DNAH1: variants seen among roughly 807,000 people sequenced by gnomAD.
The protein encoded by DNAH1 is axonemal beta dynein heavy chain 1.
A neutral mutation model predicts 484.3 loss-of-function variants in DNAH1; 327 were observed. The ratio of observed to expected loss-of-function variants is 0.68; its 90% confidence interval spans 0.62 to 0.74. DNAH1 has a LOEUF of 0.74. Ranked by LOEUF, DNAH1 falls within the 30% of genes least tolerant of loss-of-function variation. The pLI is 0.00. For synonymous variants in DNAH1, 2,192 were observed against 2,191.9 expected, an observed-to-expected ratio of 1.00 and a Z score of 0.00; for missense variants, 5,052 against 5,546.8, an observed-to-expected ratio of 0.91 and a Z score of 2.83.
At chr3:52,386,548 C>A in intron 55 of DNAH1, 114 bp from the exon 56 acceptor site, 1 of 1,311,402 alleles carries the variant, frequency 7.6e-7, no homozygotes, top group African/African-American at 1.5e-5. Context: ...CTGGATATGC[C>A]CGTGTCCTGT....
chr3:52,388,122 C>A, intron 56 of DNAH1, 45 bp from the exon 57 acceptor site: 1 of 1,579,382 alleles, frequency 6.3e-7, no homozygotes, highest in South Asian at 1.2e-5. Context: ...CTTCCCCTGT[C>A]ACCCTTGAGA....
rs1342065651 is a variant in DNAH1 at position 52,380,145 on chromosome 3, C to T, written c.7608+10C>T. 1 of 1,574,448 alleles carries T rather than the reference C, an allele frequency of 6.4e-7. No individual in the cohort carries two copies. The highest frequency in any genetic ancestry group is 1.4e-5 in the African/African-American group (1 of 73,936). On this transcript the variant is annotated intron_variant, in intron 48 of 77. Coordinates refer to ENST00000420323, the MANE Select transcript of DNAH1 (RefSeq NM_015512.5). ...CACCAGTGAGAGTAAGGTGAGGGGC[C>T]CAGGCAGGCGCCCTGCCCCTGGTGG...
Position 52,398,936 on chromosome 3 carries a change from T to C in DNAH1, c.12176T>C (p.Leu4059Pro). ...LKGLVVMSSQLELMAASLYNN... is the reference protein window; with the variant it reads ...LKGLVVMSSQPELMAASLYNN... ...GGGCTGGTAGTGATGTCCTCTCAGC[T>C]GGAGCTGATGGCTGCCAGCCTGTAC... Residue 4059 changes from leucine to proline, a missense_variant, in exon 76 of 78, where the codon CTG becomes CCG. Around this residue, in one of 4 missense-constraint regions of DNAH1, gnomAD observed 853 missense variants for 899.0 expected, o/e 0.95. Coordinates refer to ENST00000420323, the MANE Select transcript of DNAH1 (RefSeq NM_015512.5). The C allele has an allele frequency of 1.2e-6, 2 of 1,613,422 alleles. No homozygotes were observed. Among genetic ancestry groups the C allele is most frequent in the Non-Finnish European group, 1.7e-6 (2 of 1,179,478 alleles).
Position 52,385,457 on chromosome 3 carries a change from CT to C in DNAH1, c.8625+11del. The C allele has an allele frequency of 6.5e-7, 1 of 1,550,216 alleles. No homozygotes were observed. The highest frequency in any genetic ancestry group is 8.7e-7 in the Non-Finnish European group (1 of 1,145,912). ...CATGGAGCAGATCAAGGTTGGGGTG[CT>C]CCCGAGCCCCTCCCCAATGCCTGAC... On this transcript the variant is annotated intron_variant, in intron 54 of 77. Coordinates refer to ENST00000420323, the MANE Select transcript of DNAH1 (RefSeq NM_015512.5).
chr3:52,379,855 G>A lies in DNAH1; in HGVS notation c.7378-50G>A. 6.7e-7 allele frequency: 1 copy of A among 1,502,148 alleles called. No individual in the cohort carries two copies. The allele number at this position is 1,502,148 out of a possible 1,614,324, so 93.1% of individuals were successfully genotyped here. A position where few individuals can be genotyped will look rare whatever the true frequency, so the allele number is the denominator to read the frequency against. Reference sequence around the variant, plus strand: ...CCCTTGCCTGGTGGTTTGAGAGATAGCTGAGGGCTTGGGGGCCAAGGACAG... The same window carrying A: ...CCCTTGCCTGGTGGTTTGAGAGATAACTGAGGGCTTGGGGGCCAAGGACAG... On this transcript the variant is annotated intron_variant, in intron 47 of 77. Coordinates refer to ENST00000420323, the MANE Select transcript of DNAH1 (RefSeq NM_015512.5). This position sits in a 1 kb window ranked among gnomAD's most constrained non-coding sequence, Gnocchi z 4.4.
At chr3:52,348,051 C>G in intron 12 of DNAH1, 77 bp downstream of exon 12, 1 of 1,457,832 alleles carries the variant, frequency 6.9e-7, no homozygotes, top group Non-Finnish European at 9.3e-7. Context: ...CAGGGTGCTG[C>G]CACAGTTCAA....
intron 48 of DNAH1, among the ~76,000 whole-genome samples, chr3:52,380,639 C>G (rs984774624): frequency 3.9e-5 from 6 of 152,224 alleles, no homozygotes; most frequent in African/African-American, 1.4e-4. Flanking sequence ...TCCATGTGTC[C>G]CTGGGTCAGG....
In DNAH1 at chr3:52,346,731, A is replaced by G. The variant is rs1702159923; in HGVS notation, c.1916A>G (p.Asp639Gly). ...TCCSVLNCTD[D>G]MVWGDDLINS... is the part of the protein sequence containing the mutation. The stretch of plus-strand genomic sequence containing the variant: ...TGCAGCGTGCTCAACTGCACCGATG[A>G]CATGGTCTGGGGTGACGACTTAATT... The change falls in exon 11 of 78, where the codon GAC (aspartate) becomes GGC (glycine). Residue 639 changes from aspartate (D) to glycine (G), a missense_variant. By Grantham distance (94) the Asp-to-Gly change is moderately conservative (BLOSUM62 -1). Coordinates refer to ENST00000420323, the MANE Select transcript of DNAH1 (RefSeq NM_015512.5). The G allele has an allele frequency of 9.9e-6, 16 of 1,613,210 alleles. No individual in the cohort carries two copies. Among genetic ancestry groups the G allele is most frequent in the Non-Finnish European group, 1.3e-5 (15 of 1,179,262 alleles).
intron 41 of DNAH1, 81 bp downstream of exon 41, chr3:52,370,906 C>T: frequency 1.4e-6 from 2 of 1,395,188 alleles, no homozygotes; most frequent in African/African-American, 1.4e-5. Context: ...TATGGCCACA[C>T]AGGGAGCCGT....
At position 52,385,077 on chromosome 3, in the gene DNAH1, C is replaced by T. The variant is rs541544184; in HGVS notation, c.8514+100C>T. 1.2e-5 allele frequency: 16 copies of T among 1,378,946 alleles called. No homozygotes were observed. In the East Asian group the frequency reaches 3.7e-4, roughly 32 times the overall value. The allele number at this position is 1,378,946 out of a possible 1,614,324, so 85.4% of individuals were successfully genotyped here. ...GTGACACCATGCTCCGCCTTTCAAA[C>T]TGCAGCCCACGACGTTGAAGTGGGT... On this transcript the variant is annotated intron_variant, in intron 53 of 77. Coordinates refer to ENST00000420323, the MANE Select transcript of DNAH1 (RefSeq NM_015512.5).
rs367677604 is a variant in DNAH1, at chr3:52,328,404, AAC to A, written c.871+397_871+398del. Among the ~76,000 whole-genome samples, 31 of 152,240 alleles carry A rather than the reference AAC, an allele frequency of 2.0e-4. 1 individual carries two copies. The highest frequency in any genetic ancestry group is 1.2e-3 in the South Asian group (6 of 4,802). On this transcript the variant is annotated intron_variant, in intron 6 of 77. Coordinates refer to ENST00000420323, the MANE Select transcript of DNAH1 (RefSeq NM_015512.5). ...TCTCAGCTTTCACTTTTGTGTGCAC[AAC>A]ACACACCATCACACACTTGCTCACA...
chr3:52,375,545 C>G, intron 45 of DNAH1, 132 bp downstream of exon 45: 3 of 951,886 alleles, frequency 3.2e-6, no homozygotes, highest in Non-Finnish European at 1.6e-6. Context: ...GTTCACCTCT[C>G]ACTCAGCTGT....
chr3:52,373,983 T>G, intron 44 of DNAH1: 7 of 1,164,682 alleles, frequency 6.0e-6, no homozygotes, highest in Non-Finnish European at 8.9e-6. Context: ...GAATTTTTCT[T>G]AAGATTTTTA....
chr3:52,398,747 A>G (rs954912403), intron 75 of DNAH1, 103 bp from the exon 76 acceptor site: 4 of 1,011,246 alleles, frequency 4.0e-6, no homozygotes, highest in African/African-American at 3.3e-5. Flanking sequence ...CTTAGCCTCT[A>G]TGTTTTGCCA....
At chr3:52,396,233 A>G (rs1231719121) in intron 70 of DNAH1, 135 bp from the exon 71 acceptor site, 1 of 1,033,832 alleles carries the variant, frequency 9.7e-7, no homozygotes, top group Non-Finnish European at 1.4e-6. Context: ...GCGCCCAGCC[A>G]AAAGCCCAAT....
chr3:52,364,945 A>G lies in DNAH1; in HGVS notation c.5444A>G (p.Glu1815Gly). The G allele has an allele frequency of 6.2e-7, 1 of 1,613,920 alleles. No homozygotes were observed. Among genetic ancestry groups the G allele is most frequent in the South Asian group, 1.1e-5 (1 of 91,082 alleles). ...VSDLFPTIKEEDTDYGILDEA... is the reference protein window; with the variant it reads ...VSDLFPTIKEGDTDYGILDEA... The stretch of plus-strand genomic sequence containing the variant: ...GACCTGTTTCCCACCATCAAGGAGG[A>G]GGACACGGACTACGGCATCCTGGAT... Residue 1815 changes from glutamate to glycine, a missense_variant, in exon 34 of 78, where the codon GAG (glutamate) becomes GGG (glycine). By Grantham distance (98) the Glu-to-Gly change is moderately conservative. Coordinates refer to ENST00000420323, the MANE Select transcript of DNAH1 (RefSeq NM_015512.5). This position sits in a 1 kb window ranked among gnomAD's most constrained non-coding sequence, Gnocchi z 4.2.
Position 52,343,787 on chromosome 3 carries a change from C to T in DNAH1, c.1287-703C>T, listed in dbSNP as rs1179201566. On this transcript the variant is annotated intron_variant, in intron 8 of 77. Coordinates refer to ENST00000420323, the MANE Select transcript of DNAH1 (RefSeq NM_015512.5). ...GGCCTGTCCGCAAAGGACAGAGATG[C>T]CAGCTGGCTCAGATGAGGCCTGAGC... 3.3e-5 allele frequency among the ~76,000 whole-genome samples: 5 copies of T among 152,314 alleles called. No homozygotes were observed. The East Asian group carries it at 9.7e-4, about 29-fold the overall frequency.
At chr3:52,337,023 G>A (rs1303112895) in intron 8 of DNAH1, among the ~76,000 whole-genome samples, 3 of 152,150 alleles carry the variant, frequency 2.0e-5, no homozygotes, top group Non-Finnish European at 2.9e-5. Flanking sequence ...TTTAGACAGT[G>A]TGGCCATATT....
Position 52,359,956 on chromosome 3 carries a change from G to A in DNAH1, c.4448G>A (p.Arg1483His), listed in dbSNP as rs770184005. ...GCCCTTGTGCGGGGGAAGCTGTCCCGCATGCAGCGGGCAGTGCTGTCAGCG... is the reference window on the plus strand; with the variant it reads ...GCCCTTGTGCGGGGGAAGCTGTCCCACATGCAGCGGGCAGTGCTGTCAGCG... ...LVALVRGKLS[R>H]MQRAVLSALI... is the part of the protein sequence containing the mutation. Residue 1483 changes from arginine to histidine, a missense_variant, in exon 27 of 78, where the codon CGC (arginine) becomes CAC (histidine). Transcript: ENST00000420323. 63 of 1,613,758 alleles carry A rather than the reference G, an allele frequency of 3.9e-5. No individual in the cohort carries two copies. Among genetic ancestry groups the A allele is most frequent in the African/African-American group, 9.3e-5 (7 of 74,944 alleles).
Sources: allele counts gnomAD v4.1 joint callset (sites outside exome capture counted in the v4.1 genomes callset), GRCh38; gene constraint gnomAD v4.1.1; regional missense constraint gnomAD v4.1.1; non-coding constraint Gnocchi (gnomAD v3.1); transcripts MANE v1.5; gene names NCBI Gene and HGNC (gene_info 2026-07-23, HGNC 2026-07-21).